The following WFDC2 variants were observed in gnomAD, a reference collection of about 807,000 sequenced individuals.
WFDC2 encodes WAP four-disulfide core domain 2.
In WFDC2, 8 loss-of-function variants were observed where a neutral mutation model predicts 12.5. The observed-to-expected ratio is 0.64, with a 90% CI of 0.37 to 1.15. The LOEUF (loss-of-function observed/expected upper bound fraction) is 1.15, where lower values mean the gene tolerates loss of function less well. WFDC2 is among the 50% of genes most tolerant of loss of function. The pLI, the probability that WFDC2 is intolerant of heterozygous loss-of-function variation, is 0.01. For synonymous variants in WFDC2, 74 were observed against 67.2 expected (o/e 1.10, Z -0.49); for missense variants, 166 against 159.9 (o/e 1.04, Z -0.21).
intron 2 of WFDC2, among the ~76,000 whole-genome samples, chr20:45,473,686 G>A (rs1235657535): frequency 6.6e-6 from 1 of 152,172 alleles, no homozygotes; most frequent in Non-Finnish European, 1.5e-5. Context: ...GGTTCCATAT[G>A]AAATTTAAAG....
Position 45,470,941 on chromosome 20 carries a change from C to T in WFDC2, c.223+409C>T, listed in dbSNP as rs1395359142. Reference sequence around the variant, plus strand: ...TCCCTCCCTGGGGGCCTCCCCCAGCCCTGGGGAAAGACTGGGAGAGCCTGG... The same window carrying T: ...TCCCTCCCTGGGGGCCTCCCCCAGCTCTGGGGAAAGACTGGGAGAGCCTGG... On this transcript the variant is annotated intron_variant, in intron 2 of 3. Coordinates refer to ENST00000372676, the MANE Select transcript of WFDC2 (RefSeq NM_006103.4). The surrounding 1 kb of genome is among the most constrained non-coding windows in gnomAD (Gnocchi z 5.4). Among the ~76,000 whole-genome samples the T allele has an allele frequency of 6.6e-6, 1 of 152,230 alleles. No individual in the cohort carries two copies. The highest frequency in any genetic ancestry group is 1.5e-5 in the Non-Finnish European group (1 of 68,026).
chr20:45,476,510 C>T (rs570365351), intron 2 of WFDC2, among the ~76,000 whole-genome samples: 1 of 152,350 alleles, frequency 6.6e-6, no homozygotes, highest in Non-Finnish European at 1.5e-5. Flanking sequence ...CCACTGTCTT[C>T]TGGTTTGCAG....
At position 45,481,381 on chromosome 20, in the gene WFDC2, C is replaced by T. The variant is rs574960173; in HGVS notation, c.*12C>T. ...ATTTTCTTCCTCCAGCTCCAGCCAC[C>T]ACCAGGCTGAGCAGTGAGGAGAGAA... On this transcript the variant is annotated 3_prime_UTR_variant, in exon 4 of 4. Transcript: ENST00000372676. 1.3e-5 allele frequency: 2 copies of T among 152,486 alleles called. No homozygotes were observed. The highest frequency in any genetic ancestry group is 1.9e-4 in the East Asian group (1 of 5,190). The allele number at this position is 152,486 out of a possible 1,614,324, so 9.4% of individuals were successfully genotyped here. A position where few individuals can be genotyped will look rare whatever the true frequency, so the allele number is the denominator to read the frequency against.
intron 3 of WFDC2, 81 bp from the exon 4 acceptor site, chr20:45,481,290 C>G (rs1256645088): frequency 6.6e-6 from 1 of 152,086 alleles, no homozygotes; most frequent in Non-Finnish European, 1.5e-5. Flanking sequence ...AGGAGCTGGT[C>G]TAGGATTTAA....
chr20:45,472,512 C>A (rs1299075374), intron 2 of WFDC2, among the ~76,000 whole-genome samples: 1 of 152,052 alleles, frequency 6.6e-6, no homozygotes, highest in African/African-American at 2.4e-5. Context: ...TTTATCCAGT[C>A]CATCACTGAT....
intron 2 of WFDC2, among the ~76,000 whole-genome samples, chr20:45,475,625 T>C (rs1991223695): frequency 5.3e-5 from 8 of 152,202 alleles, no homozygotes; most frequent in Admixed American, 5.2e-4. Flanking sequence ...ATAAGTGTGA[T>C]GTGGTGCTGA....
chr20:45,470,621 C>A lies in WFDC2; in HGVS notation c.223+89C>A. The A allele has an allele frequency of 6.9e-7, 1 of 1,447,866 alleles. No individual in the cohort carries two copies. The highest frequency in any genetic ancestry group is 1.4e-5 in the South Asian group (1 of 70,192). The allele number at this position is 1,447,866 out of a possible 1,614,324, so 89.7% of individuals were successfully genotyped here. ...GGCCCGGGTTCCGGGAACAGGGGCG[C>A]CCCCGGACCCGGGGACCCCCGGGAA... On this transcript the variant is annotated intron_variant, in intron 2 of 3. Transcript: ENST00000372676. This position sits in a 1 kb window ranked among gnomAD's most constrained non-coding sequence, Gnocchi z 5.4.
Position 45,480,123 on chromosome 20 carries a change from T to C in WFDC2, c.*1+29T>C, listed in dbSNP as rs1286953596. The C allele has an allele frequency of 5.6e-6, 9 of 1,610,776 alleles. No homozygotes were observed. In the East Asian group the frequency reaches 1.6e-4, roughly 28 times the overall value. ...AGTGAACGGGAAAGAGAAAGTGCATTGATGGCCAGGTGTTGTGGGAAACAG... is the reference window on the plus strand; with the variant it reads ...AGTGAACGGGAAAGAGAAAGTGCATCGATGGCCAGGTGTTGTGGGAAACAG... On this transcript the variant is annotated intron_variant, in intron 3 of 3. Transcript: ENST00000372676.
At chr20:45,478,813 A>AGC (rs961094844) in intron 2 of WFDC2, among the ~76,000 whole-genome samples, 2 of 151,170 alleles carry the variant, frequency 1.3e-5, no homozygotes, top group African/African-American at 4.8e-5. Flanking sequence ...TTTTTAGTAG[A>AGC]GCGGGGGGTC....
rs1054448339 is a variant in WFDC2 at position 45,470,382 on chromosome 20, C to G, written c.80-7C>G. ...CACCCTCGACTGTCCCGGGCCTCCCCTCCCAGGCACAGGAGCAGAGAAGAC... is the reference window on the plus strand; with the variant it reads ...CACCCTCGACTGTCCCGGGCCTCCCGTCCCAGGCACAGGAGCAGAGAAGAC... On this transcript the variant is annotated splice_region_variant and splice_polypyrimidine_tract_variant and intron_variant, in intron 1 of 3. Coordinates refer to ENST00000372676, the MANE Select transcript of WFDC2 (RefSeq NM_006103.4). This position sits in a 1 kb window ranked among gnomAD's most constrained non-coding sequence, Gnocchi z 5.4. 5.1e-6 allele frequency: 8 copies of G among 1,579,272 alleles called. No homozygotes were observed. In the African/African-American group the frequency reaches 9.5e-5, roughly 19 times the overall value.
intron 2 of WFDC2, 51 bp from the exon 3 acceptor site, chr20:45,479,891 A>G (rs1247034825): frequency 1.2e-6 from 2 of 1,614,124 alleles, no homozygotes; most frequent in Non-Finnish European, 1.7e-6. Flanking sequence ...GTACAAGTTA[A>G]TCTCCCTGTA....
In WFDC2 at chr20:45,469,814, C is replaced by T. The variant is rs756895288; in HGVS notation, c.33C>T (p.Ala11=). The change falls in exon 1 of 4, where the codon GCC becomes GCT. Residue 11 remains alanine (A), a synonymous_variant. Transcript: ENST00000372676. Reference sequence around the variant, plus strand: ...CTTGTCGCCTAGGCCCGCTAGCCGCCGCCCTCCTCCTCAGCCTGCTGCTGT... The same window carrying T: ...CTTGTCGCCTAGGCCCGCTAGCCGCTGCCCTCCTCCTCAGCCTGCTGCTGT... The part of the protein sequence containing the change: MPACRLGPLA[A]ALLLSLLLFG... 6 of 1,610,768 alleles carry T rather than the reference C, an allele frequency of 3.7e-6. 1 individual carries two copies. The South Asian group carries it at 4.4e-5, about 12-fold the overall frequency.
chr20:45,471,037 C>T (rs1991165564), intron 2 of WFDC2: 1 of 425,570 alleles, frequency 2.3e-6, no homozygotes, highest in African/African-American at 2.0e-5. Context: ...AAATGCCCCG[C>T]TCATCTTAAA....
At position 45,469,833 on chromosome 20, in the gene WFDC2, C is replaced by G. The variant is rs537635906; in HGVS notation, c.52C>G (p.Leu18Val). Residue 18 changes from leucine to valine, a missense_variant, in exon 1 of 4, where the codon CTG becomes GTG. Transcript: ENST00000372676. ...PLAAALLLSL[L>V]LFGFTLVSGT... Reference sequence around the variant, plus strand: ...AGCCGCCGCCCTCCTCCTCAGCCTGCTGCTGTTCGGCTTCACCCTAGTCTC... The same window carrying G: ...AGCCGCCGCCCTCCTCCTCAGCCTGGTGCTGTTCGGCTTCACCCTAGTCTC... The G allele has an allele frequency of 5.6e-6, 9 of 1,611,266 alleles. No homozygotes were observed. In the Middle Eastern group the frequency reaches 8.3e-4, roughly 148 times the overall value.
At position 45,470,047 on chromosome 20, in the gene WFDC2, G is replaced by A. The variant is rs1020537508; in HGVS notation, c.79+187G>A. Among the ~76,000 whole-genome samples, 1 of 152,330 alleles carries A rather than the reference G, an allele frequency of 6.6e-6. No homozygotes were observed. Among genetic ancestry groups the A allele is most frequent in the African/African-American group, 2.4e-5 (1 of 41,566 alleles). ...GGAGGTGGAGAGACCACTGATGGCT[G>A]CAATTTGGGAGGATTCTGTGCTGAA... On this transcript the variant is annotated intron_variant, in intron 1 of 3. Transcript: ENST00000372676. This position sits in a 1 kb window ranked among gnomAD's most constrained non-coding sequence, Gnocchi z 5.4.
chr20:45,475,040 T>G (rs1271774306), intron 2 of WFDC2, among the ~76,000 whole-genome samples: 1 of 152,240 alleles, frequency 6.6e-6, no homozygotes, highest in Non-Finnish European at 1.5e-5. Flanking sequence ...TTTGTCATTT[T>G]TTATTGTGTC....
At chr20:45,471,658 G>C (rs1207549285) in intron 2 of WFDC2, among the ~76,000 whole-genome samples, 1 of 152,180 alleles carries the variant, frequency 6.6e-6, no homozygotes, top group Non-Finnish European at 1.5e-5. Context: ...GATTTGGAGA[G>C]AAAGCAGGCA....
At position 45,477,168 on chromosome 20, in the gene WFDC2, C is replaced by T. The variant is rs1297346829; in HGVS notation, c.224-2774C>T. On this transcript the variant is annotated intron_variant, in intron 2 of 3. Transcript: ENST00000372676. ...GTTTGTTATTACCCACCTTCTGAAGCCTACTTCTGTCAATTTGTCAAACTC... is the reference window on the plus strand; with the variant it reads ...GTTTGTTATTACCCACCTTCTGAAGTCTACTTCTGTCAATTTGTCAAACTC... 2.0e-5 allele frequency among the ~76,000 whole-genome samples: 3 copies of T among 152,140 alleles called. No individual in the cohort carries two copies. In the East Asian group the frequency reaches 5.8e-4, roughly 30 times the overall value.
intron 2 of WFDC2, among the ~76,000 whole-genome samples, chr20:45,473,665 G>C (rs1991199592): frequency 6.6e-6 from 1 of 152,050 alleles, no homozygotes; most frequent in Non-Finnish European, 1.5e-5. Flanking sequence ...TGGCTATGTG[G>C]GCTTTTATTT....
Sources: gnomAD v4.1 joint callset for allele counts (sites outside exome capture counted in the v4.1 genomes callset) on GRCh38, gnomAD v4.1.1 for gene constraint, Gnocchi (gnomAD v3.1) non-coding constraint, MANE v1.5 for transcripts, NCBI Gene and HGNC (gene_info 2026-07-23, HGNC 2026-07-21) for gene names.